The following CDK14 variants were observed in gnomAD, a reference collection of about 807,000 sequenced individuals.
The protein encoded by CDK14 is cyclin-dependent kinase 14.
CDK14 carries 34 observed loss-of-function variants against 60.7 expected under a neutral mutation model. The ratio of observed to expected loss-of-function variants is 0.56; its 90% CI spans 0.43 to 0.75. The LOEUF (loss-of-function observed/expected upper bound fraction) is 0.75, where lower values mean the gene tolerates loss of function less well. CDK14 is among the 30% of genes least tolerant of loss of function. The pLI is 0.00. For missense variants in CDK14, 482 were observed against 564.1 expected (o/e 0.85, Z 1.47); for synonymous variants, 197 against 203.7 (o/e 0.97, Z 0.28).
intron 4 of CDK14, among the ~76,000 whole-genome samples, chr7:90,781,901 C>T (rs1393204185): frequency 6.6e-6 from 1 of 152,114 alleles, no homozygotes; most frequent in Non-Finnish European, 1.5e-5. Flanking sequence ...GTGATGCGGG[C>T]TCTTTTTTGG....
At chr7:91,059,626 A>G (rs1797713346) in intron 11 of CDK14, among the ~76,000 whole-genome samples, 1 of 152,146 alleles carries the variant, frequency 6.6e-6, no homozygotes, top group South Asian at 2.1e-4. Context: ...ATTGGTTTCA[A>G]AGAACATCTT....
rs1409599257 is a variant in CDK14, at chr7:91,086,658, T to TGG, written c.1154+7180_1154+7181dup. Among the ~76,000 whole-genome samples, 464 of 150,774 alleles carry TGG rather than the reference T, an allele frequency of 3.1e-3. 3 individuals carry two copies. Among genetic ancestry groups the TGG allele is most frequent in the African/African-American group, 0.01 (426 of 41,036 alleles). ...CCAGGTCTTCCTCACTGGGCCCCTG[T>TGG]GGGTGTGTGTGTGTGTGTGTGTGTG... On this transcript the variant is annotated intron_variant, in intron 12 of 14. Transcript: ENST00000380050.
chr7:90,604,106 T>C (rs1799370865), intron 1 of CDK14, 112 bp from the exon 2 acceptor site: 2 of 664,880 alleles, frequency 3.0e-6, no homozygotes, highest in East Asian at 6.1e-5. Flanking sequence ...GGGTACAATT[T>C]ACTTTCTGAA....
chr7:90,659,505 A>T (rs930520862), intron 2 of CDK14, among the ~76,000 whole-genome samples: 3 of 152,228 alleles, frequency 2.0e-5, no homozygotes, highest in Non-Finnish European at 4.4e-5. Flanking sequence ...ACTTTTAAAA[A>T]ATATACATAG....
chr7:90,849,890 G>A (rs1042105535), intron 5 of CDK14, among the ~76,000 whole-genome samples: 10 of 151,988 alleles, frequency 6.6e-5, no homozygotes, highest in Non-Finnish European at 4.4e-5. Flanking sequence ...CTTATCTCAT[G>A]CTGAATAAAA....
At chr7:90,926,496 T>G (rs1359769378) in intron 8 of CDK14, among the ~76,000 whole-genome samples, 2 of 152,184 alleles carry the variant, frequency 1.3e-5, no homozygotes, top group Non-Finnish European at 2.9e-5. Flanking sequence ...GAACTGGCTT[T>G]AATAATGTTC....
chr7:91,007,435 A>G (rs1481514694), intron 10 of CDK14, among the ~76,000 whole-genome samples: 3 of 152,204 alleles, frequency 2.0e-5, no homozygotes, highest in Non-Finnish European at 4.4e-5. Flanking sequence ...TAAGTTAACC[A>G]GGGTCAGTTT....
At chr7:91,142,474 C>T (rs43010) in intron 14 of CDK14, among the ~76,000 whole-genome samples, 8 of 152,210 alleles carry the variant, frequency 5.3e-5, no homozygotes, top group Admixed American at 3.9e-4. Context: ...CTCTGTTGTC[C>T]GTGTCAAATG....
chr7:90,865,138 A>G (rs1242962460), intron 6 of CDK14, among the ~76,000 whole-genome samples: 7 of 151,682 alleles, frequency 4.6e-5, no homozygotes, highest in Non-Finnish European at 7.4e-5. Context: ...ATCATTTTCT[A>G]ACATTTTGCT....
intron 4 of CDK14, among the ~76,000 whole-genome samples, chr7:90,783,828 G>A (rs1240318290): frequency 6.6e-6 from 1 of 152,104 alleles, no homozygotes; most frequent in Admixed American, 6.6e-5. Flanking sequence ...TGCTGTTGGT[G>A]GGAATGTAAA....
chr7:91,034,697 CTTCTCTACAG>C (rs1172514254), intron 10 of CDK14, among the ~76,000 whole-genome samples: 1 of 152,116 alleles, frequency 6.6e-6, no homozygotes, highest in Non-Finnish European at 1.5e-5. Context: ...GTAGAGTTCA[CTTCTCTACAG>C]AACCTCACTA....
At chr7:90,767,153 G>A (rs1334003715) in intron 4 of CDK14, among the ~76,000 whole-genome samples, 1 of 152,186 alleles carries the variant, frequency 6.6e-6, no homozygotes, top group Non-Finnish European at 1.5e-5. Flanking sequence ...ACCTTTAACA[G>A]ACAATAAATA....
At chr7:90,650,520 G>A (rs1029468960) in intron 2 of CDK14, among the ~76,000 whole-genome samples, 5 of 152,196 alleles carry the variant, frequency 3.3e-5, no homozygotes, top group Non-Finnish European at 5.9e-5. Context: ...TTTTAGTCAT[G>A]AAGTCTTTGC....
At chr7:90,815,991 G>A (rs1789338584) in intron 5 of CDK14, among the ~76,000 whole-genome samples, 1 of 152,084 alleles carries the variant, frequency 6.6e-6, no homozygotes, top group East Asian at 1.9e-4. Flanking sequence ...CCTAGAAGAT[G>A]GGTTGATAGG....
At chr7:91,093,604 C>T (rs1468565663) in intron 12 of CDK14, among the ~76,000 whole-genome samples, 2 of 152,158 alleles carry the variant, frequency 1.3e-5, no homozygotes, top group Non-Finnish European at 2.9e-5. Context: ...TAAGGTACCT[C>T]ACCATTATCT....
At chr7:90,859,534 A>G (rs1790934870) in intron 5 of CDK14, among the ~76,000 whole-genome samples, 1 of 152,184 alleles carries the variant, frequency 6.6e-6, no homozygotes, top group African/African-American at 2.4e-5. Flanking sequence ...AATATGTTAA[A>G]ACATGGGTAA....
intron 10 of CDK14, among the ~76,000 whole-genome samples, chr7:91,014,081 G>A (rs1304730052): frequency 6.6e-6 from 1 of 151,934 alleles, no homozygotes; most frequent in Non-Finnish European, 1.5e-5. Flanking sequence ...GACATCTCTT[G>A]TCTGTCTACT....
intron 10 of CDK14, among the ~76,000 whole-genome samples, chr7:90,994,415 A>C (rs1795621988): frequency 1.3e-5 from 2 of 152,218 alleles, no homozygotes; most frequent in Admixed American, 1.3e-4. Flanking sequence ...GTCATGCAGT[A>C]ACTCTCTCCT....
chr7:91,095,939 A>T (rs758635615), intron 12 of CDK14, among the ~76,000 whole-genome samples: 12 of 151,828 alleles, frequency 7.9e-5, no homozygotes, highest in African/African-American at 1.2e-4. Context: ...TAGGGTGATG[A>T]CAGGGTTTTG....
Sources: allele counts gnomAD v4.1 joint callset (sites outside exome capture counted in the v4.1 genomes callset), GRCh38; gene constraint gnomAD v4.1.1; transcripts MANE v1.5; gene names NCBI Gene and HGNC (gene_info 2026-07-23, HGNC 2026-07-21).